KCNH1: variants seen among roughly 807,000 people sequenced by gnomAD.
KCNH1 encodes the protein voltage-gated delayed rectifier potassium channel KCNH1.
Under a neutral mutation model 69.2 loss-of-function variants are expected in KCNH1, and 27 were observed. That is an observed-to-expected ratio of 0.39 (90% CI 0.29 to 0.54). The LOEUF is 0.54. KCNH1 is among the 20% of genes least tolerant of loss of function. The pLI, the probability that KCNH1 is intolerant of heterozygous loss-of-function variation, is 0.68. For synonymous variants in KCNH1, 456 were observed against 487.7 expected (o/e 0.93, Z 0.86); for missense variants, 798 against 1,261.6 (o/e 0.63, Z 5.57).
At position 210,853,946 on chromosome 1, in the gene KCNH1, C is replaced by CAAAAAAAAAAAAAAAAAAAAA. The variant is rs11445997; in HGVS notation, c.1463-49801_1463-49781dup. ...TAGCAGTAAAAGCATTTATCTAAGC[C>CAAAAAAAAAAAAAAAAAAAAA]AAAAAAAAAAAAAAAAAAAAAAGAA... On this transcript the variant is annotated intron_variant, in intron 7 of 10. Coordinates refer to ENST00000271751, the MANE Select transcript of KCNH1 (RefSeq NM_172362.3). Among the ~76,000 whole-genome samples the CAAAAAAAAAAAAAAAAAAAAA allele has an allele frequency of 7.5e-4, 46 of 61,528 alleles. 8 individuals are homozygous for CAAAAAAAAAAAAAAAAAAAAA. The highest frequency in any genetic ancestry group is 1.9e-3 in the African/African-American group (26 of 13,474). 40.4% of individuals were successfully genotyped at this position (61,528 alleles called of 152,430 possible). A position where few individuals can be genotyped will look rare whatever the true frequency, so the allele number is the denominator to read the frequency against.
At chr1:211,123,108 T>C (rs1329583001) in intron 1 of KCNH1, among the ~76,000 whole-genome samples, 1 of 152,052 alleles carries the variant, frequency 6.6e-6, no homozygotes, top group African/African-American at 2.4e-5. Context: ...GGGGACACAC[T>C]TGTCCATTTT....
At chr1:210,716,363 C>T (rs1437002556) in intron 10 of KCNH1, among the ~76,000 whole-genome samples, 1 of 140,344 alleles carries the variant, frequency 7.1e-6, no homozygotes, top group African/African-American at 2.7e-5. Flanking sequence ...ACCCAGAAGG[C>T]GGAGGTTGCA....
intron 7 of KCNH1, among the ~76,000 whole-genome samples, chr1:210,917,227 G>GACAA (rs1558524741): frequency 1.3e-5 from 1 of 77,130 alleles, no homozygotes; most frequent in Admixed American, 1.5e-4. Context: ...GAGAGAGAGA[G>GACAA]AGAGAAAGAA....
At chr1:210,780,488 T>G (rs75628971) in intron 9 of KCNH1, among the ~76,000 whole-genome samples, 26,552 of 151,980 alleles carry the variant, frequency 0.17, 3,062 homozygotes, top group Non-Finnish European at 0.26. Context: ...GGGGCTGAGG[T>G]GTAACAGTGG....
At chr1:210,994,115 A>T (rs1688980797) in intron 6 of KCNH1, among the ~76,000 whole-genome samples, 1 of 152,236 alleles carries the variant, frequency 6.6e-6, no homozygotes, top group Non-Finnish European at 1.5e-5. Context: ...TGACATTCTG[A>T]CATTCTCCTA....
intron 7 of KCNH1, among the ~76,000 whole-genome samples, chr1:210,916,837 T>C (rs1254451162): frequency 6.6e-6 from 1 of 152,102 alleles, no homozygotes; most frequent in African/African-American, 2.4e-5. Context: ...TGACTACCCG[T>C]GTATTTTACA....
intron 6 of KCNH1, among the ~76,000 whole-genome samples, chr1:210,953,139 A>G (rs374061740): frequency 1.3e-5 from 2 of 151,960 alleles, no homozygotes; most frequent in Non-Finnish European, 2.9e-5. Context: ...CTACCTTTCT[A>G]TTTTCTTAGA....
intron 9 of KCNH1, among the ~76,000 whole-genome samples, chr1:210,786,257 T>C (rs995988948): frequency 2.0e-5 from 3 of 152,222 alleles, no homozygotes; most frequent in African/African-American, 7.2e-5. Context: ...AGCACACACG[T>C]ACGGTGTTTA....
At chr1:211,040,441 G>A (rs918154537) in intron 5 of KCNH1, among the ~76,000 whole-genome samples, 3 of 152,124 alleles carry the variant, frequency 2.0e-5, no homozygotes, top group African/African-American at 7.2e-5. Context: ...CTGATGATGG[G>A]TTTATTAGGG....
intron 7 of KCNH1, among the ~76,000 whole-genome samples, chr1:210,816,673 A>C (rs962795489): frequency 6.6e-6 from 1 of 152,166 alleles, no homozygotes; most frequent in African/African-American, 2.4e-5. Context: ...CTCTAAGTTT[A>C]TTTTTCTCCA....
chr1:210,753,059 A>G (rs751890880), intron 10 of KCNH1, among the ~76,000 whole-genome samples: 6 of 152,158 alleles, frequency 3.9e-5, no homozygotes, highest in Non-Finnish European at 8.8e-5. Context: ...GTTCTCCCCT[A>G]TAGCCTTCAA....
chr1:210,696,491 G>A (rs1259562072), intron 10 of KCNH1, among the ~76,000 whole-genome samples: 2 of 152,178 alleles, frequency 1.3e-5, no homozygotes, highest in Non-Finnish European at 2.9e-5. Context: ...GAGTGATTGT[G>A]TGCAGGAGGG....
Position 210,737,201 on chromosome 1 carries a change from A to G in KCNH1, c.2112+38147T>C, listed in dbSNP as rs6673208. On this transcript the variant is annotated intron_variant, in intron 10 of 10. Transcript: ENST00000271751. ...TCACTGGGCAGCCAGAGGACAGGGA[A>G]ATGGTCTCAGAGCTAAGTGGTTCAG... is the stretch of plus-strand genomic sequence containing the variant. Among the ~76,000 whole-genome samples, 596 of 152,296 alleles carry G rather than the reference A, an allele frequency of 3.9e-3. 3 individuals are homozygous for G. Among genetic ancestry groups the G allele is most frequent in the African/African-American group, 0.014 (571 of 41,570 alleles).
chr1:210,984,226 C>G (rs1688779437), intron 6 of KCNH1, among the ~76,000 whole-genome samples: 2 of 152,178 alleles, frequency 1.3e-5, no homozygotes, highest in South Asian at 4.1e-4. Flanking sequence ...CAAACAGCGA[C>G]AATTTGACTT....
rs1165731164 is a variant in KCNH1 at position 211,045,040 on chromosome 1, G to GGATATATAGATATATATATA, written c.559-25785_559-25784insTATATATATATCTATATATC. ...AATCAATGTGTGGATAAATTGTGGG[G>GGATATATAGATATATATATA]GATATATATATATATATATGAATAA... On this transcript the variant is annotated intron_variant, in intron 5 of 10. Transcript: ENST00000271751. Among the ~76,000 whole-genome samples, 8 of 27,452 alleles carry GGATATATAGATATATATATA rather than the reference G, an allele frequency of 2.9e-4. 2 individuals are homozygous for GGATATATAGATATATATATA. In the South Asian group the frequency reaches 0.014, roughly 48 times the overall value. 18.0% of individuals were successfully genotyped at this position (27,452 alleles called of 152,430 possible). A position where few individuals can be genotyped will look rare whatever the true frequency, so the allele number is the denominator to read the frequency against.
chr1:210,846,150 CTTCCCAAGGTAAT>C (rs2102460077), intron 7 of KCNH1, among the ~76,000 whole-genome samples: 1 of 152,278 alleles, frequency 6.6e-6, no homozygotes, highest in East Asian at 1.9e-4. Flanking sequence ...AATGGCCGTA[CTTCCCAAGGTAAT>C]TTATAGATTC....
In KCNH1 at chr1:210,683,914, G is replaced by C; in HGVS notation, c.2337C>G (p.Asn779Lys). The C allele has an allele frequency of 6.2e-7, 1 of 1,613,078 alleles. No individual in the cohort carries two copies. Among genetic ancestry groups the C allele is most frequent in the Non-Finnish European group, 8.5e-7 (1 of 1,179,148 alleles). Residue 779 changes from asparagine to lysine, a missense_variant, in exon 11 of 11, where the codon AAC becomes AAG. Asn to Lys is a moderately conservative substitution (Grantham distance 94, BLOSUM62 0). Coordinates refer to ENST00000271751, the MANE Select transcript of KCNH1 (RefSeq NM_172362.3). This position sits in a 1 kb window ranked among gnomAD's most constrained non-coding sequence, Gnocchi z 5.7. Reference protein sequence around the residue: ...GNVLTEHASANHSLVKASVVT... With the variant: ...GNVLTEHASAKHSLVKASVVT... ...CCACGCTGGCCTTCACGAGGCTGTG[G>C]TTGGCGGAGGCATGCTCTGTAAGGA...
chr1:210,916,106 A>G (rs890951659), intron 7 of KCNH1, among the ~76,000 whole-genome samples: 5 of 152,120 alleles, frequency 3.3e-5, no homozygotes, highest in Non-Finnish European at 7.4e-5. Flanking sequence ...GTTGATCCCA[A>G]ATCTGATGTC....
intron 7 of KCNH1, among the ~76,000 whole-genome samples, chr1:210,857,110 G>C (rs770031113): frequency 8.6e-5 from 13 of 151,668 alleles, no homozygotes; most frequent in Non-Finnish European, 1.9e-4. Context: ...ATGTTAACAA[G>C]ACCCTCAGGT....
Sources: gnomAD v4.1 joint callset for allele counts (sites outside exome capture counted in the v4.1 genomes callset) on GRCh38, gnomAD v4.1.1 for gene constraint, Gnocchi (gnomAD v3.1) non-coding constraint, MANE v1.5 for transcripts, NCBI Gene and HGNC (gene_info 2026-07-23, HGNC 2026-07-21) for gene names.